ZNF223: variants seen among roughly 807,000 people sequenced by gnomAD.
ZNF223 encodes the protein Homo sapiens zinc finger protein 223.
Under a neutral mutation model 12.3 loss-of-function variants are expected in ZNF223, and 9 were observed. The observed-to-expected ratio is 0.73, with a 90% CI of 0.44 to 1.28. The LOEUF (loss-of-function observed/expected upper bound fraction) is 1.28, where lower values mean the gene tolerates loss of function less well. ZNF223 is among the 50% of genes most tolerant of loss of function. ZNF223 has a pLI of 0.00. For missense variants in ZNF223, 506 were observed against 579.0 expected, an observed-to-expected ratio of 0.87 and a Z score of 1.29; for synonymous variants, 171 against 195.2, an observed-to-expected ratio of 0.88 and a Z score of 1.03.
intron 1 of ZNF223, among the ~76,000 whole-genome samples, chr19:44,053,268 C>CT (rs1976724594): frequency 6.6e-6 from 1 of 152,180 alleles, no homozygotes; most frequent in African/African-American, 2.4e-5. Context: ...GCACTGGTCT[C>CT]TGAGTTCCCT....
intron 1 of ZNF223, among the ~76,000 whole-genome samples, chr19:44,053,547 A>G (rs1047425475): frequency 3.9e-5 from 6 of 152,238 alleles, no homozygotes; most frequent in African/African-American, 1.4e-4. Flanking sequence ...CTCAGTAAAT[A>G]GAATGTACGA....
chr19:44,060,580 G>T lies in ZNF223; in HGVS notation c.141G>T (p.Val47=). 6.2e-7 allele frequency: 1 copy of T among 1,614,122 alleles called. No homozygotes were observed. The highest frequency in any genetic ancestry group is 8.5e-7 in the Non-Finnish European group (1 of 1,180,004). ...MLENFRNLLS[V]GHQPFHRDTF... ...AGAACTTCAGGAACCTGCTGTCAGT[G>T]GGTGAGGACAGGCATCTTCTATAAG... Residue 47 remains valine, a splice_region_variant and synonymous_variant, in exon 3 of 5, where the codon GTG becomes GTT. Transcript: ENST00000434772.
In ZNF223 at chr19:44,055,184, T is replaced by C. The variant is rs1976749382; in HGVS notation, c.8T>C (p.Met3Thr). 1.9e-5 allele frequency: 31 copies of C among 1,613,136 alleles called. No homozygotes were observed. The highest frequency in any genetic ancestry group is 1.6e-4 in the Middle Eastern group (1 of 6,076). MT[M>T]SKEAVTFKDV... ...CCTAAAGTAGGAGGAAAAATGACCA[T>C]GTCCAAGGTAAGTAGGACTTGCCTC... The change falls in exon 2 of 5, where the codon ATG becomes ACG. Residue 3 changes from methionine (M) to threonine (T), a missense_variant. Physicochemically the swap from Met to Thr is moderately conservative, Grantham distance 81. Transcript: ENST00000434772.
At chr19:44,066,003 C>T in intron 4 of ZNF223, 61 bp from the exon 5 acceptor site, 2 of 1,518,386 alleles carry the variant, frequency 1.3e-6, no homozygotes, top group Non-Finnish European at 1.8e-6. Flanking sequence ...TAAGTGTGAA[C>T]TCTTAAAAAC....
intron 1 of ZNF223, 65 bp from the exon 2 acceptor site, chr19:44,055,041 CTTG>C: frequency 1.4e-6 from 1 of 735,938 alleles, no homozygotes. Flanking sequence ...AATATGAGTC[CTTG>C]TTGGTGGGTG....
At chr19:44,057,888 G>A (rs1395459241) in intron 2 of ZNF223, among the ~76,000 whole-genome samples, 2 of 152,216 alleles carry the variant, frequency 1.3e-5, no homozygotes, top group South Asian at 4.1e-4. Flanking sequence ...ATTGCATGAA[G>A]CAGATTTATT....
chr19:44,067,328 G>T lies in ZNF223; in HGVS notation c.*51G>T, dbSNP rs765194738. On this transcript the variant is annotated 3_prime_UTR_variant, in exon 5 of 5. Transcript: ENST00000434772. ...GTGTGATATTTAAATATATGTATAT[G>T]ATGTATAATGATCAAATCAGTGTAA... The T allele has an allele frequency of 9.4e-6, 14 of 1,487,122 alleles. No individual in the cohort carries two copies. Among genetic ancestry groups the T allele is most frequent in the Non-Finnish European group, 1.3e-5 (14 of 1,087,582 alleles). 92.1% of individuals were successfully genotyped at this position (1,487,122 alleles called of 1,614,324 possible). A position where few individuals can be genotyped will look rare whatever the true frequency, so the allele number is the denominator to read the frequency against.
At chr19:44,064,086 A>C (rs1350290837) in intron 4 of ZNF223, among the ~76,000 whole-genome samples, 1 of 152,224 alleles carries the variant, frequency 6.6e-6, no homozygotes, top group Non-Finnish European at 1.5e-5. Flanking sequence ...TAACCTGGAC[A>C]GTTTTCATGC....
intron 2 of ZNF223, among the ~76,000 whole-genome samples, chr19:44,060,202 A>G (rs186762175): frequency 2.6e-5 from 4 of 152,296 alleles, no homozygotes; most frequent in East Asian, 3.9e-4. Context: ...GGGGCTACAT[A>G]CAAGTAAACT....
intron 2 of ZNF223, among the ~76,000 whole-genome samples, chr19:44,060,048 T>C (rs1318014545): frequency 2.0e-5 from 3 of 152,094 alleles, no homozygotes; most frequent in African/African-American, 4.8e-5. Flanking sequence ...AATACTGAGA[T>C]TGGGGTTTCA....
chr19:44,058,178 A>C (rs936305462), intron 2 of ZNF223, among the ~76,000 whole-genome samples: 33 of 152,216 alleles, frequency 2.2e-4, no homozygotes, highest in Admixed American at 2.2e-3. Flanking sequence ...GCATTCTTAG[A>C]ATAATCTACA....
At chr19:44,060,642 G>T (rs1397043020) in intron 3 of ZNF223, 61 bp downstream of exon 3, 1 of 1,613,374 alleles carries the variant, frequency 6.2e-7, no homozygotes, top group Non-Finnish European at 8.5e-7. Context: ...TGTATCCTAG[G>T]GTGTTCAAGT....
rs1245314438 is a variant in ZNF223, at chr19:44,055,164, A to C, written c.-13A>C. On this transcript the variant is annotated 5_prime_UTR_variant, in exon 2 of 5. Coordinates refer to ENST00000434772, the MANE Select transcript of ZNF223 (RefSeq NM_013361.6). ...ATTCAGGACTCTGCAAATTCCCTAA[A>C]GTAGGAGGAAAAATGACCATGTCCA... The C allele has an allele frequency of 2.5e-6, 4 of 1,613,252 alleles. No homozygotes were observed. In the African/African-American group the frequency reaches 4.0e-5, roughly 16 times the overall value.
chr19:44,056,139 C>T (rs1976759689), intron 2 of ZNF223, among the ~76,000 whole-genome samples: 2 of 152,182 alleles, frequency 1.3e-5, no homozygotes, highest in East Asian at 1.9e-4. Flanking sequence ...CAGGTGTACT[C>T]ATTGTTCCAA....
chr19:44,066,573 G>A lies in ZNF223; in HGVS notation c.745G>A (p.Val249Ile). The A allele has an allele frequency of 6.2e-7, 1 of 1,614,178 alleles. No individual in the cohort carries two copies. Among genetic ancestry groups the A allele is most frequent in the Non-Finnish European group, 8.5e-7 (1 of 1,180,024 alleles). The stretch of plus-strand genomic sequence containing the variant: ...CTTCAGATGTAGATCAGCACTTACA[G>A]TTCATTGCAAATTACACATGGGAGA... ...RGFRCRSALT[V>I]HCKLHMGEKH... Residue 249 changes from valine to isoleucine, a missense_variant, in exon 5 of 5, where the codon GTT (valine) becomes ATT (isoleucine). Transcript: ENST00000434772.
intron 4 of ZNF223, among the ~76,000 whole-genome samples, chr19:44,061,814 T>A (rs1379100423): frequency 6.6e-6 from 1 of 152,212 alleles, no homozygotes; most frequent in Non-Finnish European, 1.5e-5. Flanking sequence ...AGTCCTCTGT[T>A]CCCACAAAAC....
rs1450828113 is a variant in ZNF223 at position 44,064,516 on chromosome 19, G to A, written c.236-1548G>A. On this transcript the variant is annotated intron_variant, in intron 4 of 4. Coordinates refer to ENST00000434772, the MANE Select transcript of ZNF223 (RefSeq NM_013361.6). ...AAAATTCTTGTATAGGAATACTTTC[G>A]ATTTGTAGATATAAACATTCTAAGG... 6.6e-5 allele frequency among the ~76,000 whole-genome samples: 10 copies of A among 152,162 alleles called. No individual in the cohort carries two copies. The South Asian group carries it at 1.0e-3, about 16-fold the overall frequency.
At chr19:44,054,091 C>T (rs1045529147) in intron 1 of ZNF223, among the ~76,000 whole-genome samples, 1 of 152,120 alleles carries the variant, frequency 6.6e-6, no homozygotes, top group African/African-American at 2.4e-5. Context: ...CTTTTTCTTT[C>T]CCCTACAGAT....
Position 44,067,497 on chromosome 19 carries a change from C to A in ZNF223, c.*220C>A. 1 of 639,218 alleles carries A rather than the reference C, an allele frequency of 1.6e-6. No individual in the cohort carries two copies. The highest frequency in any genetic ancestry group is 2.8e-6 in the Non-Finnish European group (1 of 359,180). 39.6% of individuals were successfully genotyped at this position (639,218 alleles called of 1,614,324 possible). ...AGCAGAACTTCTTCCTCTTATCTAC[C>A]TGTACTTTTGCATCCATTAGCCAAC... On this transcript the variant is annotated 3_prime_UTR_variant, in exon 5 of 5. Transcript: ENST00000434772.
Sources: gnomAD v4.1 joint callset for allele counts (sites outside exome capture counted in the v4.1 genomes callset) on GRCh38, gnomAD v4.1.1 for gene constraint, MANE v1.5 for transcripts, NCBI Gene and HGNC (gene_info 2026-07-23, HGNC 2026-07-21) for gene names.